Variants in LOXHD1 observed in about 807,000 individuals in gnomAD.
The protein encoded by LOXHD1 is lipoxygenase homology PLAT domains 1, also known as lipoxygenase homology domain-containing protein 1.
LOXHD1 carries 205 observed loss-of-function variants against 248.2 expected under a neutral mutation model. The ratio of observed to expected loss-of-function variants is 0.83; its 90% CI spans 0.74 to 0.93. LOXHD1 has a LOEUF of 0.93. LOXHD1 is among the 40% of genes least tolerant of loss of function. LOXHD1 has a pLI of 0.00. For missense variants in LOXHD1, 2,930 were observed against 2,971.6 expected, an observed-to-expected ratio of 0.99 and a Z score of 0.33; for synonymous variants, 1,113 against 1,162.8, an observed-to-expected ratio of 0.96 and a Z score of 0.87.
chr18:46,536,221 C>T (rs1207446651), intron 26 of LOXHD1, among the ~76,000 whole-genome samples: 1 of 152,176 alleles, frequency 6.6e-6, no homozygotes, highest in Non-Finnish European at 1.5e-5. Context: ...TGGATGTTCT[C>T]AATAACTCTT....
chr18:46,499,431 G>A (rs1208076797), intron 37 of LOXHD1, among the ~76,000 whole-genome samples: 3 of 152,238 alleles, frequency 2.0e-5, no homozygotes, highest in Non-Finnish European at 2.9e-5. Context: ...AATAAGGGCT[G>A]AAATGAAAGT....
At chr18:46,627,630 A>G (rs763950515) in intron 4 of LOXHD1, among the ~76,000 whole-genome samples, 2 of 152,042 alleles carry the variant, frequency 1.3e-5, no homozygotes, top group African/African-American at 2.4e-5. Context: ...TTGAAAGAGA[A>G]TGTGGCTGGT....
At chr18:46,488,929 C>A in intron 38 of LOXHD1, 43 bp downstream of exon 38, 1 of 1,534,978 alleles carries the variant, frequency 6.5e-7, no homozygotes, top group Non-Finnish European at 8.8e-7. Flanking sequence ...ATTCCAGCAC[C>A]ATTCCCTGCC....
chr18:46,553,566 A>G (rs2037195529), intron 21 of LOXHD1, among the ~76,000 whole-genome samples: 1 of 152,228 alleles, frequency 6.6e-6, no homozygotes, highest in Non-Finnish European at 1.5e-5. Context: ...TTTACTCATT[A>G]GTGTATTTAA....
chr18:46,536,134 T>C (rs2036297691), intron 26 of LOXHD1, among the ~76,000 whole-genome samples: 1 of 152,240 alleles, frequency 6.6e-6, no homozygotes, highest in Non-Finnish European at 1.5e-5. Flanking sequence ...GGGATGATCA[T>C]ACTAACTACG....
At chr18:46,503,640 G>A (rs1208602734) in intron 37 of LOXHD1, among the ~76,000 whole-genome samples, 1 of 152,180 alleles carries the variant, frequency 6.6e-6, no homozygotes, top group Non-Finnish European at 1.5e-5. Flanking sequence ...TTTCATCTTA[G>A]GAAAGAGGAG....
chr18:46,643,436 C>A (rs570302525), intron 2 of LOXHD1, among the ~76,000 whole-genome samples: 56 of 152,296 alleles, frequency 3.7e-4, no homozygotes, highest in South Asian at 8.3e-4. Flanking sequence ...AAGGAAAATA[C>A]AAAGTTTTCT....
At chr18:46,545,744 C>T (rs2036786592) in intron 22 of LOXHD1, among the ~76,000 whole-genome samples, 1 of 147,316 alleles carries the variant, frequency 6.8e-6, no homozygotes, top group African/African-American at 2.5e-5. Flanking sequence ...ATTCTCCTGC[C>T]TCAGCCTCCC....
rs1274508195 is a variant in LOXHD1, at chr18:46,489,158, C to G, written c.5879-16G>C. The G allele has an allele frequency of 6.4e-7, 1 of 1,551,536 alleles. No individual in the cohort carries two copies. The highest frequency in any genetic ancestry group is 8.7e-7 in the Non-Finnish European group (1 of 1,146,926). On this transcript the variant is annotated splice_polypyrimidine_tract_variant and intron_variant, in intron 37 of 40. Transcript: ENST00000642948. ...GGAAATATCCCTGTGGAAAAGACAC[C>G]ATGGGGGTTGGAAGCTGGATGTGCC...
rs1030988322 is a variant in LOXHD1, at chr18:46,657,108, C to T, written c.-75G>A. 23 of 1,548,774 alleles carry T rather than the reference C, an allele frequency of 1.5e-5. No homozygotes were observed. Among genetic ancestry groups the T allele is most frequent in the South Asian group, 2.4e-5 (2 of 83,730 alleles). ...TCACACCTGCGGGAACCTGAGACCTCCTCCCTGAGCTCTGGCGCCCACGGC... is the reference window on the plus strand; with the variant it reads ...TCACACCTGCGGGAACCTGAGACCTTCTCCCTGAGCTCTGGCGCCCACGGC... On this transcript the variant is annotated 5_prime_UTR_variant, in exon 1 of 41. Coordinates refer to ENST00000642948, the MANE Select transcript of LOXHD1 (RefSeq NM_001384474.1).
chr18:46,609,228 C>T (rs967577279), intron 6 of LOXHD1, among the ~76,000 whole-genome samples: 4 of 152,150 alleles, frequency 2.6e-5, no homozygotes, highest in East Asian at 1.9e-4. Context: ...CCAGTGCTGG[C>T]GATGGTAACG....
At chr18:46,564,531 TA>T (rs2037598855) in intron 17 of LOXHD1, among the ~76,000 whole-genome samples, 1 of 151,786 alleles carries the variant, frequency 6.6e-6, no homozygotes, top group Admixed American at 6.6e-5. Flanking sequence ...ATCCTGTCTC[TA>T]AAAACTAAAT....
At chr18:46,590,426 A>T (rs1329288503) in intron 12 of LOXHD1, among the ~76,000 whole-genome samples, 1 of 152,164 alleles carries the variant, frequency 6.6e-6, no homozygotes, top group Non-Finnish European at 1.5e-5. Context: ...TAAAATCGTG[A>T]GAGTTAGTTA....
intron 16 of LOXHD1, among the ~76,000 whole-genome samples, chr18:46,567,563 A>T (rs2037668451): frequency 6.6e-6 from 1 of 152,222 alleles, no homozygotes; most frequent in South Asian, 2.1e-4. Context: ...CTGAAAGGGT[A>T]AAGACAGAGG....
chr18:46,569,735 G>T, intron 15 of LOXHD1, 97 bp from the exon 16 acceptor site: 1 of 966,818 alleles, frequency 1.0e-6, no homozygotes, highest in Non-Finnish European at 1.5e-6. Flanking sequence ...GGAGCTGGAG[G>T]TTTGTGGGGA....
chr18:46,509,001 G>A (rs2034773236), intron 35 of LOXHD1, among the ~76,000 whole-genome samples: 1 of 152,218 alleles, frequency 6.6e-6, no homozygotes, highest in African/African-American at 2.4e-5. Context: ...GAGAGGTCCT[G>A]AGAAGGAGCA....
intron 4 of LOXHD1, among the ~76,000 whole-genome samples, chr18:46,638,590 G>A (rs1489796375): frequency 9.9e-5 from 15 of 152,138 alleles, no homozygotes; most frequent in Non-Finnish European, 4.4e-5. Flanking sequence ...CGAAGATTGT[G>A]CCATTTCACT....
At chr18:46,641,897 G>T in intron 3 of LOXHD1, 59 bp downstream of exon 3, 2 of 1,470,800 alleles carry the variant, frequency 1.4e-6, no homozygotes, top group Non-Finnish European at 9.3e-7. Context: ...TGTCAATATT[G>T]AAGTCAATCC....
intron 21 of LOXHD1, 134 bp downstream of exon 21, chr18:46,557,222 G>C (rs1249319486): frequency 1.1e-6 from 1 of 935,124 alleles, no homozygotes; most frequent in Non-Finnish European, 1.5e-6. Context: ...CTCACCCTTA[G>C]GTGTCACCCA....
Sources: allele counts gnomAD v4.1 joint callset (sites outside exome capture counted in the v4.1 genomes callset), GRCh38; gene constraint gnomAD v4.1.1; transcripts MANE v1.5; gene names NCBI Gene and HGNC (gene_info 2026-07-23, HGNC 2026-07-21).